The following PCSK2 variants were observed in gnomAD, a reference collection of about 807,000 sequenced individuals.
The protein encoded by PCSK2 is proprotein convertase subtilisin/kexin type 2.
Under a neutral mutation model 69.7 loss-of-function variants are expected in PCSK2, and 14 were observed. That is an observed-to-expected ratio of 0.20 (90% CI 0.13 to 0.31). The LOEUF (loss-of-function observed/expected upper bound fraction) is 0.31. Ranked by LOEUF, PCSK2 falls within the 10% of genes least tolerant of loss-of-function variation. PCSK2 has a pLI of 1.00. For synonymous variants in PCSK2, 307 were observed against 320.7 expected (o/e 0.96, Z 0.46); for missense variants, 544 against 842.5 (o/e 0.65, Z 4.39).
Position 17,367,707 on chromosome 20 carries a change from A to C in PCSK2, c.506-1533A>C, listed in dbSNP as rs1406378916. Reference sequence around the variant, plus strand: ...GAGACAGGGTCTCACTATGTTGCCCAGGCTGGTCTTGAACTCTTGGCCTCA... The same window carrying C: ...GAGACAGGGTCTCACTATGTTGCCCCGGCTGGTCTTGAACTCTTGGCCTCA... On this transcript the variant is annotated intron_variant, in intron 4 of 11. Coordinates refer to ENST00000262545, the MANE Select transcript of PCSK2 (RefSeq NM_002594.5). Among the ~76,000 whole-genome samples, 5 of 152,304 alleles carry C rather than the reference A, an allele frequency of 3.3e-5. No individual in the cohort carries two copies. In the South Asian group the frequency reaches 1.0e-3, roughly 32 times the overall value.
At position 17,280,679 on chromosome 20, in the gene PCSK2, C is replaced by G. The variant is rs544436124; in HGVS notation, c.282+20335C>G. On this transcript the variant is annotated intron_variant, in intron 2 of 11. Transcript: ENST00000262545. ...CTACCTAAGACAAATAGAAGATTCT[C>G]CATTAATTCCCCAAGTCAGGAAGTG... 1.1e-4 allele frequency among the ~76,000 whole-genome samples: 16 copies of G among 152,326 alleles called. No homozygotes were observed. In the South Asian group the frequency reaches 3.1e-3, roughly 30 times the overall value.
At chr20:17,309,722 GC>G (rs1219042423) in intron 2 of PCSK2, among the ~76,000 whole-genome samples, 1 of 152,098 alleles carries the variant, frequency 6.6e-6, no homozygotes, top group Non-Finnish European at 1.5e-5. Flanking sequence ...GGAGGATGAG[GC>G]AGGAGCATCA....
chr20:17,311,064 T>TA (rs56107478), intron 2 of PCSK2, among the ~76,000 whole-genome samples: 22,866 of 147,766 alleles, frequency 0.15, 2,214 homozygotes, highest in Non-Finnish European at 0.22. Context: ...ATAGAAAGGG[T>TA]AAAAAATGTT....
intron 11 of PCSK2, among the ~76,000 whole-genome samples, 171 bp from the exon 12 acceptor site, chr20:17,481,413 A>AAAAAAAGAGAG (rs113487407): frequency 8.6e-6 from 1 of 115,820 alleles, no homozygotes; most frequent in African/African-American, 3.9e-5. Flanking sequence ...AAAAAAAAAA[A>AAAAAAAGAGAG]AGAGATAAGT....
intron 5 of PCSK2, among the ~76,000 whole-genome samples, chr20:17,392,941 G>A (rs2031421939): frequency 1.3e-5 from 2 of 152,182 alleles, no homozygotes; most frequent in Non-Finnish European, 2.9e-5. Context: ...TTGAGGGGCT[G>A]TATGGTAAAC....
At chr20:17,306,508 T>C (rs2123103249) in intron 2 of PCSK2, among the ~76,000 whole-genome samples, 1 of 152,224 alleles carries the variant, frequency 6.6e-6, no homozygotes, top group East Asian at 1.9e-4. Flanking sequence ...TTTCTCCAAG[T>C]TTAAAAGTAT....
intron 4 of PCSK2, among the ~76,000 whole-genome samples, chr20:17,368,201 ATG>A (rs1479699780): frequency 6.6e-6 from 1 of 152,228 alleles, no homozygotes; most frequent in African/African-American, 2.4e-5. Context: ...GACAGATTTA[ATG>A]ATACTTCTGG....
intron 11 of PCSK2, among the ~76,000 whole-genome samples, chr20:17,469,503 C>A (rs2033164426): frequency 6.6e-6 from 1 of 151,566 alleles, no homozygotes; most frequent in African/African-American, 2.4e-5. Flanking sequence ...TGTGTCCTAT[C>A]ATTATTACTT....
intron 2 of PCSK2, among the ~76,000 whole-genome samples, chr20:17,351,878 G>T (rs1464762203): frequency 1.3e-5 from 2 of 152,030 alleles, no homozygotes; most frequent in Non-Finnish European, 2.9e-5. Flanking sequence ...GAAATAAAAG[G>T]CATCCAGGAA....
chr20:17,428,997 CAAAAAAAAAAAAAA>C (rs60206058), intron 6 of PCSK2, among the ~76,000 whole-genome samples: 58 of 36,954 alleles, frequency 1.6e-3, no homozygotes, highest in Admixed American at 4.0e-3. Flanking sequence ...GACTCTGTCT[CAAAAAAAAAAAAAA>C]AAAAAAAAAA....
chr20:17,474,693 G>A (rs1247726103), intron 11 of PCSK2, among the ~76,000 whole-genome samples: 2 of 152,156 alleles, frequency 1.3e-5, no homozygotes, highest in Non-Finnish European at 2.9e-5. Context: ...GAACACACCG[G>A]CCCTTGTTGT....
chr20:17,361,829 A>G (rs991534457), intron 4 of PCSK2, among the ~76,000 whole-genome samples: 1 of 152,256 alleles, frequency 6.6e-6, no homozygotes, highest in African/African-American at 2.4e-5. Flanking sequence ...GGAGCCCTGC[A>G]TGAGAGTGTG....
intron 1 of PCSK2, among the ~76,000 whole-genome samples, chr20:17,252,607 G>A (rs983468778): frequency 6.6e-5 from 10 of 152,138 alleles, no homozygotes; most frequent in African/African-American, 2.4e-4. Flanking sequence ...GAGGAAGAGC[G>A]AGAATTTAAA....
intron 6 of PCSK2, among the ~76,000 whole-genome samples, chr20:17,424,650 G>A (rs1189200811): frequency 2.0e-5 from 3 of 151,864 alleles, no homozygotes; most frequent in East Asian, 3.9e-4. Flanking sequence ...GCGCCACCAC[G>A]CCTGGCTAAT....
intron 2 of PCSK2, among the ~76,000 whole-genome samples, chr20:17,310,942 T>C (rs1934892): frequency 0.35 from 51,824 of 148,270 alleles, 9,470 homozygotes; most frequent in East Asian, 0.57. Context: ...GCAGAGGTTG[T>C]CGTGAGCCAA....
intron 1 of PCSK2, among the ~76,000 whole-genome samples, chr20:17,229,701 C>G (rs1357232501): frequency 1.3e-5 from 2 of 151,788 alleles, no homozygotes; most frequent in Non-Finnish European, 2.9e-5. Flanking sequence ...GATTTTTTTT[C>G]CCCTTTTACA....
intron 10 of PCSK2, chr20:17,464,657 G>A (rs889341174): frequency 1.3e-5 from 2 of 152,348 alleles, no homozygotes; most frequent in Non-Finnish European, 2.9e-5. Flanking sequence ...CATACTTTAT[G>A]GTCTCTTTTC....
intron 1 of PCSK2, among the ~76,000 whole-genome samples, chr20:17,257,558 T>A (rs1254019156): frequency 6.6e-6 from 1 of 152,248 alleles, no homozygotes; most frequent in Non-Finnish European, 1.5e-5. Context: ...CCATTGAATC[T>A]GCTTGGTTAA....
intron 8 of PCSK2, among the ~76,000 whole-genome samples, chr20:17,446,920 G>C (rs57688394): frequency 0.068 from 10,332 of 152,108 alleles, 549 homozygotes; most frequent in African/African-American, 0.15. Flanking sequence ...ATCTAGCTCA[G>C]TTTCTTAATA....
Sources: allele counts gnomAD v4.1 joint callset (sites outside exome capture counted in the v4.1 genomes callset), GRCh38; gene constraint gnomAD v4.1.1; transcripts MANE v1.5; gene names NCBI Gene and HGNC (gene_info 2026-07-23, HGNC 2026-07-21).